Variants in WEE1 observed in about 807,000 individuals in gnomAD.
WEE1 encodes wee1-like protein kinase.
A neutral mutation model predicts 68.8 loss-of-function variants in WEE1; 16 were observed. The ratio of observed to expected loss-of-function variants is 0.23; its 90% CI spans 0.16 to 0.35. The LOEUF is 0.35. WEE1 is among the 10% of genes least tolerant of loss of function. The pLI is 1.00. For synonymous variants in WEE1, 349 were observed against 318.7 expected, an observed-to-expected ratio of 1.09 and a Z score of -1.01; for missense variants, 651 against 824.1, an observed-to-expected ratio of 0.79 and a Z score of 2.57.
Position 9,586,436 on chromosome 11 carries a change from T to G in WEE1, c.1471-13T>G. ...TGTTTACATTCCTTTAAAAAATTGT[T>G]TTAATTTTACAGAATTATACCCATC... On this transcript the variant is annotated splice_polypyrimidine_tract_variant and intron_variant, in intron 8 of 10. Coordinates refer to ENST00000450114, the MANE Select transcript of WEE1 (RefSeq NM_003390.4). 6.3e-7 allele frequency: 1 copy of G among 1,598,652 alleles called. No individual in the cohort carries two copies. The highest frequency in any genetic ancestry group is 8.5e-7 in the Non-Finnish European group (1 of 1,172,526).
rs1360697118 is a variant in WEE1, at chr11:9,574,065, C to T, written c.132C>T (p.Gly44=). The change falls in exon 1 of 11, where the codon GGC becomes GGT. Residue 44 remains glycine (G), a synonymous_variant. Transcript: ENST00000450114. This position sits in a 1 kb window ranked among gnomAD's most constrained non-coding sequence, Gnocchi z 4.9. ...AGGAAGAAGAGGAGGAGGAGGAGGG[C>T]AGCGGCCACAGCACCGGGGAGGACT... The part of the protein sequence containing the change: ...EEEEEEEEEE[G]SGHSTGEDSA... The T allele has an allele frequency of 2.5e-5, 31 of 1,246,678 alleles. No individual in the cohort carries two copies. In the East Asian group the frequency reaches 9.9e-4, roughly 40 times the overall value. The allele number at this position is 1,246,678 out of a possible 1,614,324, so 77.2% of individuals were successfully genotyped here. A position where few individuals can be genotyped will look rare whatever the true frequency, so the allele number is the denominator to read the frequency against.
intron 5 of WEE1, chr11:9,578,679 A>G (rs1299597850): frequency 1.3e-5 from 2 of 152,062 alleles, no homozygotes; most frequent in African/African-American, 4.8e-5. Context: ...AATTCTCTTA[A>G]CAGAATAGTT....
At chr11:9,585,058 G>C (rs957525461) in intron 6 of WEE1, 200 bp from the exon 7 acceptor site, 1 of 555,192 alleles carries the variant, frequency 1.8e-6, no homozygotes, top group African/African-American at 1.9e-5. Context: ...AGAGCACACT[G>C]TCTCAAAAAA....
rs372682131 is a variant in WEE1, at chr11:9,583,054, G to A, written c.1288+1376G>A. ...ATTTAGACCAGGTGCAGTGGCTGAC[G>A]CCTGTAATCCCAGCACTCTGGCAGG... is the stretch of plus-strand genomic sequence containing the variant. On this transcript the variant is annotated intron_variant, in intron 6 of 10. Transcript: ENST00000450114. Among the ~76,000 whole-genome samples, 9 of 152,140 alleles carry A rather than the reference G, an allele frequency of 5.9e-5. No homozygotes were observed. In the East Asian group the frequency reaches 7.7e-4, roughly 13 times the overall value.
rs1483767066 is a variant in WEE1 at position 9,589,669 on chromosome 11, T to C, written c.*1067T>C. 1.0e-6 allele frequency: 1 copy of C among 985,642 alleles called. No homozygotes were observed. The highest frequency in any genetic ancestry group is 1.2e-6 in the Non-Finnish European group (1 of 829,834). 61.1% of individuals were successfully genotyped at this position (985,642 alleles called of 1,614,324 possible). A position where few individuals can be genotyped will look rare whatever the true frequency, so the allele number is the denominator to read the frequency against. On this transcript the variant is annotated 3_prime_UTR_variant, in exon 11 of 11. Transcript: ENST00000450114. ...AATTGTCTGTTTGTTTTCTCATTAATTTTGGTCTAAAACATGTTTGCACTT... is the reference window on the plus strand; with the variant it reads ...AATTGTCTGTTTGTTTTCTCATTAACTTTGGTCTAAAACATGTTTGCACTT...
chr11:9,583,607 T>G (rs1330538118), intron 6 of WEE1, among the ~76,000 whole-genome samples: 1 of 61,552 alleles, frequency 1.6e-5, no homozygotes, highest in Admixed American at 1.8e-4. Flanking sequence ...AGAGCGAGAC[T>G]GTCTCAAAAA....
In WEE1 at chr11:9,585,363, G is replaced by T. The variant is rs760217387; in HGVS notation, c.1384+10G>T. ...GTTATGTTTAAAATAGGTAAGAAAG[G>T]TAATCAGATTATTACCTTCAGATAA... On this transcript the variant is annotated intron_variant, in intron 7 of 10. Transcript: ENST00000450114. 6.2e-7 allele frequency: 1 copy of T among 1,612,542 alleles called. No individual in the cohort carries two copies. Among genetic ancestry groups the T allele is most frequent in the Non-Finnish European group, 8.5e-7 (1 of 1,179,044 alleles).
Position 9,573,902 on chromosome 11 carries a change from C to A in WEE1, c.-32C>A. The stretch of plus-strand genomic sequence containing the variant: ...GTCCTGGACCCCGCAGGCCTCCGCT[C>A]TCCTGTCCTCGGCCCCGTCCCCAGG... On this transcript the variant is annotated 5_prime_UTR_variant, in exon 1 of 11. Transcript: ENST00000450114. 1 of 1,235,728 alleles carries A rather than the reference C, an allele frequency of 8.1e-7. No homozygotes were observed. Among genetic ancestry groups the A allele is most frequent in the South Asian group, 3.3e-5 (1 of 30,144 alleles). The allele number at this position is 1,235,728 out of a possible 1,614,324, so 76.5% of individuals were successfully genotyped here. A position where few individuals can be genotyped will look rare whatever the true frequency, so the allele number is the denominator to read the frequency against.
intron 8 of WEE1, among the ~76,000 whole-genome samples, chr11:9,585,821 A>T (rs1284819985): frequency 1.3e-5 from 2 of 152,170 alleles, no homozygotes; most frequent in Non-Finnish European, 2.9e-5. Context: ...GTACCCATTG[A>T]CTCATAATTT....
chr11:9,573,846 C>G lies in WEE1; in HGVS notation c.-88C>G. The G allele has an allele frequency of 8.9e-7, 1 of 1,119,192 alleles. No homozygotes were observed. Among genetic ancestry groups the G allele is most frequent in the Non-Finnish European group, 1.1e-6 (1 of 897,554 alleles). The allele number at this position is 1,119,192 out of a possible 1,614,324, so 69.3% of individuals were successfully genotyped here. A position where few individuals can be genotyped will look rare whatever the true frequency, so the allele number is the denominator to read the frequency against. The stretch of plus-strand genomic sequence containing the variant: ...GGCTGCGACTAGGCGCGCCCAGCCG[C>G]ACGTGGCGGACCCGCCCCCAGGCCC... On this transcript the variant is annotated 5_prime_UTR_variant, in exon 1 of 11. Transcript: ENST00000450114.
At chr11:9,589,983 TTC>T (rs1323450019) in exon 11 of WEE1, 3 of 153,866 alleles carry the variant, frequency 1.9e-5, no homozygotes, top group Non-Finnish European at 4.3e-5. Context: ...ATTCATAACT[TTC>T]TGATTTGTAC....
Position 9,588,565 on chromosome 11 carries a change from A to G in WEE1, c.1904A>G (p.Lys635Arg), listed in dbSNP as rs943372651. The G allele has an allele frequency of 6.2e-7, 1 of 1,609,572 alleles. No homozygotes were observed. Among genetic ancestry groups the G allele is most frequent in the Non-Finnish European group, 8.5e-7 (1 of 1,178,972 alleles). Residue 635 changes from lysine to arginine, a missense_variant, in exon 11 of 11, where the codon AAG becomes AGG. This residue lies in a region of WEE1 where 115 missense variants were observed against 142.7 expected (regional missense o/e 0.81). Coordinates refer to ENST00000450114, the MANE Select transcript of WEE1 (RefSeq NM_003390.4). ...AATAGAACATCTCGACTTATTGGAA[A>G]GAAAATGAACCGCTCTGTCAGCCTT... ...QSNRTSRLIG[K>R]KMNRSVSLTI...
At chr11:9,581,869 G>C (rs1040677933) in intron 6 of WEE1, among the ~76,000 whole-genome samples, 191 bp downstream of exon 6, 1 of 152,170 alleles carries the variant, frequency 6.6e-6, no homozygotes, top group African/African-American at 2.4e-5. Context: ...CAAAATTTGA[G>C]ATAAACTTTT....
In WEE1 at chr11:9,574,356, G is replaced by A; in HGVS notation, c.423G>A (p.Val141=). 1.6e-6 allele frequency: 2 copies of A among 1,245,778 alleles called. No homozygotes were observed. Among genetic ancestry groups the A allele is most frequent in the Non-Finnish European group, 2.0e-6 (2 of 995,880 alleles). 77.2% of individuals were successfully genotyped at this position (1,245,778 alleles called of 1,614,324 possible). ...TCCTGGGTAGCTCTTTCTCGCCGGT[G>A]CGCTGCGGCGGCCCAGGAGATGCGT... The part of the protein sequence containing the change: ...PYFLGSSFSP[V]RCGGPGDASP... Residue 141 remains valine (V), a synonymous_variant, in exon 1 of 11, where the codon GTG becomes GTA. Transcript: ENST00000450114. This position sits in a 1 kb window ranked among gnomAD's most constrained non-coding sequence, Gnocchi z 4.9.
At position 9,574,055 on chromosome 11, in the gene WEE1, A is replaced by C; in HGVS notation, c.122A>C (p.Glu41Ala). Residue 41 changes from glutamate (E) to alanine (A), a missense_variant, in exon 1 of 11, where the codon GAG becomes GCG. Glu to Ala is a moderately radical substitution (Grantham distance 107). Coordinates refer to ENST00000450114, the MANE Select transcript of WEE1 (RefSeq NM_003390.4). This position sits in a 1 kb window ranked among gnomAD's most constrained non-coding sequence, Gnocchi z 4.9. ...TGTGAGGAGGAGGAAGAAGAGGAGGAGGAGGAGGGCAGCGGCCACAGCACC... is the reference window on the plus strand; with the variant it reads ...TGTGAGGAGGAGGAAGAAGAGGAGGCGGAGGAGGGCAGCGGCCACAGCACC... ...SDCEEEEEEE[E>A]EEGSGHSTGE... 1 of 1,252,052 alleles carries C rather than the reference A, an allele frequency of 8.0e-7. No individual in the cohort carries two copies. Among genetic ancestry groups the C allele is most frequent in the Non-Finnish European group, 1.0e-6 (1 of 998,232 alleles). The allele number at this position is 1,252,052 out of a possible 1,614,324, so 77.6% of individuals were successfully genotyped here.
chr11:9,577,078 ATTAAT>A (rs1849572662), intron 4 of WEE1, 59 bp from the exon 5 acceptor site: 1 of 1,516,058 alleles, frequency 6.6e-7, no homozygotes, highest in Non-Finnish European at 8.8e-7. Context: ...TTTCAGATAA[ATTAAT>A]TCAGTTTAAG....
At chr11:9,581,445 T>C in intron 5 of WEE1, 87 bp from the exon 6 acceptor site, 2 of 1,250,166 alleles carry the variant, frequency 1.6e-6, no homozygotes, top group Non-Finnish European at 2.2e-6. Flanking sequence ...TTGGTTGAGA[T>C]TGGTTGGTTG....
chr11:9,586,927 AT>A, intron 10 of WEE1, 71 bp downstream of exon 10: 1 of 1,477,680 alleles, frequency 6.8e-7, no homozygotes, highest in Non-Finnish European at 9.1e-7. Context: ...ATGAGAGATG[AT>A]TTAAGCTTTC....
intron 6 of WEE1, among the ~76,000 whole-genome samples, chr11:9,583,796 C>CATAT (rs1849665424): frequency 3.8e-5 from 1 of 26,058 alleles, no homozygotes; most frequent in Non-Finnish European, 8.2e-5. Flanking sequence ...CACACACACA[C>CATAT]ACACACATAT....
Sources: gnomAD v4.1 joint callset for allele counts (sites outside exome capture counted in the v4.1 genomes callset) on GRCh38, gnomAD v4.1.1 for gene constraint, gnomAD v4.1.1 regional missense constraint, Gnocchi (gnomAD v3.1) non-coding constraint, MANE v1.5 for transcripts, NCBI Gene and HGNC (gene_info 2026-07-23, HGNC 2026-07-21) for gene names.